Variants in PHIP observed in about 807,000 individuals in gnomAD.
The protein encoded by PHIP is PH-interacting protein.
PHIP carries 54 observed loss-of-function variants against 236.8 expected under a neutral mutation model. The observed-to-expected ratio is 0.23, with a 90% CI of 0.18 to 0.29. The LOEUF is 0.29. PHIP is among the 10% of genes least tolerant of loss of function. The pLI is 1.00. For synonymous variants in PHIP, 756 were observed against 718.9 expected, an observed-to-expected ratio of 1.05 and a Z score of -0.83; for missense variants, 1,370 against 2,190.8, an observed-to-expected ratio of 0.63 and a Z score of 7.48.
At chr6:78,996,839 G>A (rs1769646367) in intron 19 of PHIP, among the ~76,000 whole-genome samples, 1 of 152,034 alleles carries the variant, frequency 6.6e-6, no homozygotes, top group African/African-American at 2.4e-5. Flanking sequence ...AGTTCATATA[G>A]GCCTCATTCA....
rs534489517 is a variant in PHIP, at chr6:79,006,945, A to AAAAG, written c.1525-3088_1525-3087insCTTT. Among the ~76,000 whole-genome samples the AAAAG allele has an allele frequency of 6.4e-4, 97 of 152,178 alleles. 1 individual carries two copies. The South Asian group carries it at 8.1e-3, about 13-fold the overall frequency. ...CAAAAAGAATAAGAGGAGTAAAAAG[A>AAAAG]AAATAAAAGTATATTCAGCAATTAT... On this transcript the variant is annotated intron_variant, in intron 15 of 39. Coordinates refer to ENST00000275034, the MANE Select transcript of PHIP (RefSeq NM_017934.7).
At chr6:79,075,745 A>G (rs1327915988) in intron 4 of PHIP, among the ~76,000 whole-genome samples, 1 of 152,082 alleles carries the variant, frequency 6.6e-6, no homozygotes, top group Non-Finnish European at 1.5e-5. Context: ...TTACCAAAAG[A>G]TTAAGAAAAT....
At chr6:78,988,891 G>A (rs1014400355) in intron 20 of PHIP, among the ~76,000 whole-genome samples, 1 of 152,112 alleles carries the variant, frequency 6.6e-6, no homozygotes, top group Admixed American at 6.5e-5. Flanking sequence ...AGGCAAATTG[G>A]AAACCAAAAT....
At chr6:79,033,564 T>G (rs1229999990) in intron 7 of PHIP, among the ~76,000 whole-genome samples, 1 of 152,208 alleles carries the variant, frequency 6.6e-6, no homozygotes, top group Non-Finnish European at 1.5e-5. Flanking sequence ...TTTTCTTATG[T>G]AGCTTCCTCA....
chr6:79,075,491 CATAG>C (rs1234469503), intron 4 of PHIP, among the ~76,000 whole-genome samples: 2 of 151,942 alleles, frequency 1.3e-5, no homozygotes, highest in East Asian at 1.9e-4. Flanking sequence ...GAGCATAATA[CATAG>C]ATAGAAAGAA....
At chr6:78,990,830 A>C in intron 20 of PHIP, 38 bp downstream of exon 20, 5 of 1,192,764 alleles carry the variant, frequency 4.2e-6, no homozygotes, top group Non-Finnish European at 6.1e-6. Flanking sequence ...ACTATACTTA[A>C]GAAGCAAATA....
At chr6:78,988,534 C>T (rs1769013117) in intron 20 of PHIP, among the ~76,000 whole-genome samples, 185 bp from the exon 21 acceptor site, 1 of 152,122 alleles carries the variant, frequency 6.6e-6, no homozygotes, top group Non-Finnish European at 1.5e-5. Context: ...ATGATTGCAC[C>T]ACTGCACTAC....
At chr6:79,025,404 T>C in intron 9 of PHIP, 115 bp downstream of exon 9, 1 of 612,172 alleles carries the variant, frequency 1.6e-6, no homozygotes, top group Non-Finnish European at 2.9e-6. Context: ...AGGATTTCTA[T>C]TATTTACTCA....
rs370891246 is a variant in PHIP at position 78,936,352 on chromosome 6, G to T, written c.*4341C>A. 1 of 151,834 alleles carries T rather than the reference G, an allele frequency of 6.6e-6. No homozygotes were observed. The highest frequency in any genetic ancestry group is 1.5e-5 in the Non-Finnish European group (1 of 67,784). 9.4% of individuals were successfully genotyped at this position (151,834 alleles called of 1,614,324 possible). A position where few individuals can be genotyped will look rare whatever the true frequency, so the allele number is the denominator to read the frequency against. On this transcript the variant is annotated 3_prime_UTR_variant, in exon 40 of 40. Coordinates refer to ENST00000275034, the MANE Select transcript of PHIP (RefSeq NM_017934.7). ...GTGACAGGATTTAAGTTTTCTAAAA[G>T]ATCTTCAGTAAGACCCCTGTCTTCT... is the stretch of plus-strand genomic sequence containing the variant.
intron 27 of PHIP, among the ~76,000 whole-genome samples, chr6:78,969,437 C>G (rs1214260676): frequency 6.6e-6 from 1 of 152,054 alleles, no homozygotes; most frequent in Non-Finnish European, 1.5e-5. Context: ...GTTTATGATA[C>G]TAATTTTAAA....
chr6:79,041,881 G>C (rs1293374453), intron 7 of PHIP, among the ~76,000 whole-genome samples: 3 of 152,144 alleles, frequency 2.0e-5, no homozygotes, highest in South Asian at 4.1e-4. Context: ...CTGTTTTACA[G>C]ATGACTGGGT....
chr6:78,970,221 C>A, intron 25 of PHIP, 48 bp from the exon 26 acceptor site: 2 of 1,514,002 alleles, frequency 1.3e-6, no homozygotes, highest in Non-Finnish European at 1.8e-6. Flanking sequence ...AAATAAACCA[C>A]AAAATAGACT....
chr6:78,988,151 CAT>C, intron 21 of PHIP, 56 bp downstream of exon 21: 2 of 1,257,342 alleles, frequency 1.6e-6, no homozygotes, highest in African/African-American at 3.1e-5. Context: ...GAATGAAACT[CAT>C]ATTTAAAAAA....
intron 39 of PHIP, 22 bp from the exon 40 acceptor site, chr6:78,941,352 C>CT (rs1206634678): frequency 1.3e-6 from 2 of 1,571,118 alleles, no homozygotes; most frequent in Non-Finnish European, 1.7e-6. Flanking sequence ...CAACAGTACA[C>CT]TTAATATATG....
chr6:79,078,242 T>G lies in PHIP; in HGVS notation c.-174A>C. The G allele has an allele frequency of 1.7e-6, 1 of 601,372 alleles. No individual in the cohort carries two copies. Among genetic ancestry groups the G allele is most frequent in the Non-Finnish European group, 2.9e-6 (1 of 345,010 alleles). The allele number at this position is 601,372 out of a possible 1,614,324, so 37.3% of individuals were successfully genotyped here. Reference sequence around the variant, plus strand: ...GAGGAGGAGGAGGAAACAACAACTCTCAGGCAGCGACTACGGCCGTGGCCG... The same window carrying G: ...GAGGAGGAGGAGGAAACAACAACTCGCAGGCAGCGACTACGGCCGTGGCCG... On this transcript the variant is annotated 5_prime_UTR_variant, in exon 1 of 40. Coordinates refer to ENST00000275034, the MANE Select transcript of PHIP (RefSeq NM_017934.7).
intron 4 of PHIP, among the ~76,000 whole-genome samples, chr6:79,070,394 G>A (rs1252477528): frequency 6.6e-6 from 1 of 152,182 alleles, no homozygotes; most frequent in Non-Finnish European, 1.5e-5. Context: ...TTCAAGCACA[G>A]TACTCAAAAT....
chr6:78,978,730 T>C lies in PHIP; in HGVS notation c.2770-19A>G. The C allele has an allele frequency of 1.3e-6, 2 of 1,580,878 alleles. No homozygotes were observed. Among genetic ancestry groups the C allele is most frequent in the Non-Finnish European group, 1.7e-6 (2 of 1,154,916 alleles). On this transcript the variant is annotated intron_variant, in intron 23 of 39. Transcript: ENST00000275034. Reference sequence around the variant, plus strand: ...CCAATCTCTGACAAAATTTAAGTAATAATTGTTAAGTAATAATCAAAAAAG... The same window carrying C: ...CCAATCTCTGACAAAATTTAAGTAACAATTGTTAAGTAATAATCAAAAAAG...
Position 79,077,879 on chromosome 6 carries a change from A to G in PHIP, c.75T>C (p.Asp25=). 2.5e-6 allele frequency: 4 copies of G among 1,579,568 alleles called. No individual in the cohort carries two copies. Among genetic ancestry groups the G allele is most frequent in the Non-Finnish European group, 3.4e-6 (4 of 1,164,998 alleles). The change falls in exon 2 of 40, where the codon GAT becomes GAC. Residue 25 remains aspartate (D), a synonymous_variant. Transcript: ENST00000275034. ...LYFLIARFLE[D]GPCQQAAQVL... The stretch of plus-strand genomic sequence containing the variant: ...CCTGAGCCGCCTGCTGACAGGGTCC[A>G]TCTTCCAGGAACCGGGCGATGAGGA...
rs1324686379 is a variant in PHIP at position 79,072,486 on chromosome 6, T to C, written c.189+4962A>G. On this transcript the variant is annotated intron_variant, in intron 4 of 39. Transcript: ENST00000275034. Reference sequence around the variant, plus strand: ...AATTATAGTATCTTCCGAAGATTTTTTTTTTCTTTTCTTGAGACAGGGTAT... The same window carrying C: ...AATTATAGTATCTTCCGAAGATTTTCTTTTTCTTTTCTTGAGACAGGGTAT... Among the ~76,000 whole-genome samples, 7 of 151,870 alleles carry C rather than the reference T, an allele frequency of 4.6e-5. 1 individual carries two copies. The highest frequency in any genetic ancestry group is 4.2e-4 in the South Asian group (2 of 4,792).
Sources: allele counts gnomAD v4.1 joint callset (sites outside exome capture counted in the v4.1 genomes callset), GRCh38; gene constraint gnomAD v4.1.1; transcripts MANE v1.5; gene names NCBI Gene and HGNC (gene_info 2026-07-23, HGNC 2026-07-21).